The following CAMK1D variants were observed in gnomAD, a reference collection of about 807,000 sequenced individuals.
The protein encoded by CAMK1D is calcium/calmodulin dependent protein kinase ID.
Under a neutral mutation model 47.7 loss-of-function variants are expected in CAMK1D, and 9 were observed. The ratio of observed to expected loss-of-function variants is 0.19; its 90% CI spans 0.11 to 0.33. The LOEUF (loss-of-function observed/expected upper bound fraction) is 0.33. CAMK1D is among the 10% of genes least tolerant of loss of function. The pLI, the probability that CAMK1D is intolerant of heterozygous loss-of-function variation, is 1.00. For synonymous variants in CAMK1D, 184 were observed against 184.9 expected (o/e 0.99, Z 0.04); for missense variants, 291 against 488.7 (o/e 0.60, Z 3.81).
At chr10:12,653,572 T>C (rs1840039009) in intron 2 of CAMK1D, among the ~76,000 whole-genome samples, 1 of 152,128 alleles carries the variant, frequency 6.6e-6, no homozygotes, top group African/African-American at 2.4e-5. Flanking sequence ...TGTGCAAAAA[T>C]TAAAGAACAC....
intron 2 of CAMK1D, among the ~76,000 whole-genome samples, chr10:12,560,547 C>CT (rs1332117524): frequency 1.6e-5 from 2 of 125,558 alleles, no homozygotes; most frequent in Non-Finnish European, 3.2e-5. Flanking sequence ...GAGGAAAACT[C>CT]TATCTCGGAA....
At chr10:12,756,789 G>C (rs149646605) in intron 3 of CAMK1D, among the ~76,000 whole-genome samples, 1 of 152,160 alleles carries the variant, frequency 6.6e-6, no homozygotes, top group Non-Finnish European at 1.5e-5. Flanking sequence ...TTAGCCGGGC[G>C]TGGTGGTGGC....
chr10:12,481,844 A>G (rs1834074614), intron 1 of CAMK1D, among the ~76,000 whole-genome samples: 2 of 152,104 alleles, frequency 1.3e-5, no homozygotes, highest in Non-Finnish European at 2.9e-5. Flanking sequence ...GGTCTCAGTG[A>G]ATTGCTTTTG....
chr10:12,728,810 C>CGT (rs140346305), intron 3 of CAMK1D, among the ~76,000 whole-genome samples: 51 of 151,816 alleles, frequency 3.4e-4, no homozygotes, highest in Admixed American at 2.3e-3. Flanking sequence ...TTTGGGAGTG[C>CGT]GTGTGTGTGT....
At chr10:12,391,742 A>C (rs1564310004) in intron 1 of CAMK1D, among the ~76,000 whole-genome samples, 1 of 152,268 alleles carries the variant, frequency 6.6e-6, no homozygotes, top group East Asian at 1.9e-4. Context: ...TGCCATATAC[A>C]GTGCACTGTA....
intron 1 of CAMK1D, among the ~76,000 whole-genome samples, chr10:12,523,571 C>A (rs80273463): frequency 0.034 from 5,235 of 152,164 alleles, 197 homozygotes; most frequent in African/African-American, 0.09. Context: ...AGCGAAACCC[C>A]GTCTCCACCA....
chr10:12,828,912 G>A lies in CAMK1D; in HGVS notation c.*25G>A. On this transcript the variant is annotated 3_prime_UTR_variant, in exon 11 of 11. Coordinates refer to ENST00000619168, the MANE Select transcript of CAMK1D (RefSeq NM_153498.4). The stretch of plus-strand genomic sequence containing the variant: ...ACTGGCCCTGGAGGTGGGGCCCGGG[G>A]TCGGGGCTGGGGAAGGGGAGCCCCA... The A allele has an allele frequency of 1.9e-6, 3 of 1,546,192 alleles. No homozygotes were observed. Among genetic ancestry groups the A allele is most frequent in the African/African-American group, 1.4e-5 (1 of 73,550 alleles).
At chr10:12,791,734 A>G (rs1785979313) in intron 6 of CAMK1D, among the ~76,000 whole-genome samples, 1 of 152,206 alleles carries the variant, frequency 6.6e-6, no homozygotes, top group Admixed American at 6.5e-5. Context: ...CCGTCGATAG[A>G]CATTTGGGTT....
intron 6 of CAMK1D, among the ~76,000 whole-genome samples, chr10:12,801,598 A>G (rs1225197171): frequency 6.6e-6 from 1 of 151,856 alleles, no homozygotes. Flanking sequence ...CTATCTGTCT[A>G]TCCATTCATC....
In CAMK1D at chr10:12,828,863, G is replaced by A. The variant is rs988826642; in HGVS notation, c.1134G>A (p.Thr378=). The A allele has an allele frequency of 2.4e-5, 38 of 1,612,824 alleles. No homozygotes were observed. Among genetic ancestry groups the A allele is most frequent in the Middle Eastern group, 1.7e-4 (1 of 6,060 alleles). Residue 378 remains threonine (T), a synonymous_variant, in exon 11 of 11, where the codon ACG becomes ACA. Coordinates refer to ENST00000619168, the MANE Select transcript of CAMK1D (RefSeq NM_153498.4). ...AERRPRPTTV[T]AVHSGSK ...GGAGACCCAGGCCCACCACTGTGAC[G>A]GCAGTGCACTCTGGAAGCAAGTGAC... is the stretch of plus-strand genomic sequence containing the variant.
chr10:12,369,439 G>T (rs1011391844), intron 1 of CAMK1D, among the ~76,000 whole-genome samples: 1 of 152,154 alleles, frequency 6.6e-6, no homozygotes, highest in South Asian at 2.1e-4. Flanking sequence ...TTACAGTTCA[G>T]TGTGACTGTG....
intron 1 of CAMK1D, among the ~76,000 whole-genome samples, chr10:12,351,426 A>G (rs1837352240): frequency 6.6e-6 from 1 of 152,188 alleles, no homozygotes; most frequent in Admixed American, 6.5e-5. Context: ...GAGATGCTCA[A>G]GTTACTGAGA....
At chr10:12,772,863 A>G (rs541868741) in intron 5 of CAMK1D, among the ~76,000 whole-genome samples, 1 of 152,218 alleles carries the variant, frequency 6.6e-6, no homozygotes, top group South Asian at 2.1e-4. Flanking sequence ...GAGGGGACAC[A>G]ACTTCAGAGT....
intron 3 of CAMK1D, among the ~76,000 whole-genome samples, chr10:12,715,116 C>T (rs1834078993): frequency 6.6e-6 from 1 of 152,198 alleles, no homozygotes; most frequent in Non-Finnish European, 1.5e-5. Flanking sequence ...TACACCCTTC[C>T]AGCCTCTGGT....
chr10:12,552,246 T>G (rs893366292), intron 1 of CAMK1D, among the ~76,000 whole-genome samples: 6 of 152,222 alleles, frequency 3.9e-5, no homozygotes, highest in Admixed American at 6.5e-5. Context: ...GCTCTGCCGT[T>G]GCAGAGTGAA....
At chr10:12,361,182 T>C (rs1283632761) in intron 1 of CAMK1D, among the ~76,000 whole-genome samples, 1 of 152,060 alleles carries the variant, frequency 6.6e-6, no homozygotes, top group African/African-American at 2.4e-5. Context: ...ACAAACAATG[T>C]TGGCTTTCTT....
intron 3 of CAMK1D, among the ~76,000 whole-genome samples, chr10:12,739,305 G>T (rs1835321296): frequency 6.6e-6 from 1 of 151,736 alleles, no homozygotes; most frequent in Non-Finnish European, 1.5e-5. Flanking sequence ...ACAGAGTCTT[G>T]CTCTGTTGCT....
intron 3 of CAMK1D, among the ~76,000 whole-genome samples, chr10:12,740,309 G>A (rs569902031): frequency 2.0e-5 from 3 of 152,282 alleles, no homozygotes; most frequent in Non-Finnish European, 1.5e-5. Flanking sequence ...ATCAGAAACC[G>A]GGAGATGGGC....
At chr10:12,465,472 A>G (rs1238972102) in intron 1 of CAMK1D, among the ~76,000 whole-genome samples, 1 of 152,130 alleles carries the variant, frequency 6.6e-6, no homozygotes, top group African/African-American at 2.4e-5. Context: ...TTCCTGCCTC[A>G]GCCTTCCGAG....
Sources: allele counts gnomAD v4.1 joint callset (sites outside exome capture counted in the v4.1 genomes callset), GRCh38; gene constraint gnomAD v4.1.1; transcripts MANE v1.5; gene names NCBI Gene and HGNC (gene_info 2026-07-23, HGNC 2026-07-21).